Variants in GRIA2 observed in about 807,000 individuals in gnomAD.
GRIA2 encodes the protein glutamate ionotropic receptor AMPA type subunit 2.
Under a neutral mutation model 97.3 loss-of-function variants are expected in GRIA2, and 14 were observed. The observed-to-expected ratio is 0.14, with a 90% CI of 0.10 to 0.23. The LOEUF (loss-of-function observed/expected upper bound fraction) is 0.23, where lower values mean the gene tolerates loss of function less well. Among genes scored for constraint, GRIA2 ranks in the 10% least tolerant of loss-of-function variants. The pLI is 1.00. For missense variants in GRIA2, 558 were observed against 1,069.8 expected, an observed-to-expected ratio of 0.52 and a Z score of 6.67; for synonymous variants, 412 against 387.8, an observed-to-expected ratio of 1.06 and a Z score of -0.73.
intron 2 of GRIA2, among the ~76,000 whole-genome samples, chr4:157,259,279 C>T (rs925674236): frequency 2.0e-5 from 3 of 151,974 alleles, no homozygotes; most frequent in Non-Finnish European, 4.4e-5. Context: ...TTTGGCCTAC[C>T]TTCACTAGAA....
chr4:157,241,705 G>T (rs913620270), intron 2 of GRIA2, among the ~76,000 whole-genome samples: 3 of 151,994 alleles, frequency 2.0e-5, no homozygotes, highest in Non-Finnish European at 2.9e-5. Context: ...GCCTTGAGTG[G>T]TTCTATCTAA....
chr4:157,226,997 A>C (rs541060500), intron 2 of GRIA2, among the ~76,000 whole-genome samples: 8 of 152,302 alleles, frequency 5.3e-5, no homozygotes, highest in Admixed American at 5.2e-4. Flanking sequence ...TTCACTTATC[A>C]CTGAAGAATT....
chr4:157,274,782 G>C (rs1482308632), intron 2 of GRIA2, among the ~76,000 whole-genome samples: 3 of 151,702 alleles, frequency 2.0e-5, no homozygotes, highest in African/African-American at 4.9e-5. Context: ...GGACATTTGG[G>C]TTGGTTCCAA....
intron 2 of GRIA2, among the ~76,000 whole-genome samples, chr4:157,266,733 T>A (rs1189692157): frequency 6.6e-6 from 1 of 152,024 alleles, no homozygotes; most frequent in African/African-American, 2.4e-5. Flanking sequence ...GGTTGTTCTA[T>A]CTTTTGAGAG....
chr4:157,363,077 T>C (rs1736707729), intron 15 of GRIA2, 30 bp downstream of exon 15: 1 of 1,576,910 alleles, frequency 6.3e-7, no homozygotes, highest in African/African-American at 1.4e-5. Flanking sequence ...ACAAACTTTT[T>C]AGTGCACGTT....
chr4:157,289,037 C>A (rs1418383529), intron 2 of GRIA2, among the ~76,000 whole-genome samples: 1 of 151,712 alleles, frequency 6.6e-6, no homozygotes, highest in Non-Finnish European at 1.5e-5. Context: ...AGCTTCATTG[C>A]TGACCTGGGT....
Position 157,361,155 on chromosome 4 carries a change from C to A in GRIA2, c.2406+31C>A. On this transcript the variant is annotated intron_variant, in intron 14 of 15. Coordinates refer to ENST00000264426, the MANE Select transcript of GRIA2 (RefSeq NM_001083619.3). This position sits in a 1 kb window ranked among gnomAD's most constrained non-coding sequence, Gnocchi z 5.2. ...CCCCAGTGAGAAAAGTAATGGGTAA[C>A]TCAATGCAAAACAAAGTAAGCAGCA... 1 of 1,499,394 alleles carries A rather than the reference C, an allele frequency of 6.7e-7. No individual in the cohort carries two copies. Among genetic ancestry groups the A allele is most frequent in the Non-Finnish European group, 9.3e-7 (1 of 1,076,442 alleles). 92.9% of individuals were successfully genotyped at this position (1,499,394 alleles called of 1,614,324 possible). A position where few individuals can be genotyped will look rare whatever the true frequency, so the allele number is the denominator to read the frequency against.
chr4:157,355,634 A>ATATATATTTATTTATATATATTTATT (rs1736229738), intron 12 of GRIA2, among the ~76,000 whole-genome samples: 1 of 135,186 alleles, frequency 7.4e-6, no homozygotes, highest in South Asian at 2.2e-4. Context: ...ATATTTATTT[A>ATATATATTTATTTATATATATTTATT]TATATATTTA....
intron 11 of GRIA2, 39 bp from the exon 12 acceptor site, chr4:157,341,225 T>G: frequency 7.4e-7 from 1 of 1,349,098 alleles, no homozygotes; most frequent in Non-Finnish European, 1.1e-6. Context: ...ATTAGGTCAT[T>G]CATTTCACTT....
At chr4:157,248,827 CTT>C (rs1330551938) in intron 2 of GRIA2, among the ~76,000 whole-genome samples, 7 of 134,126 alleles carry the variant, frequency 5.2e-5, no homozygotes, top group Non-Finnish European at 1.1e-4. Context: ...TAAAATAATT[CTT>C]TTTTTATTTA....
chr4:157,290,846 C>A (rs1411540391), intron 2 of GRIA2, among the ~76,000 whole-genome samples: 1 of 151,664 alleles, frequency 6.6e-6, no homozygotes, highest in Non-Finnish European at 1.5e-5. Context: ...GACAACCAAC[C>A]TGGGTAGTTC....
intron 12 of GRIA2, among the ~76,000 whole-genome samples, chr4:157,359,378 T>C (rs1426434302): frequency 2.0e-5 from 3 of 152,198 alleles, no homozygotes; most frequent in Non-Finnish European, 4.4e-5. Context: ...AGTGTTATTC[T>C]AGAAATGTTT....
At position 157,269,144 on chromosome 4, in the gene GRIA2, T is replaced by G. The variant is rs117466190; in HGVS notation, c.230-34408T>G. On this transcript the variant is annotated intron_variant, in intron 2 of 15. Coordinates refer to ENST00000264426, the MANE Select transcript of GRIA2 (RefSeq NM_001083619.3). ...TTTTTATACTCTCCTCACCCCTCCT[T>G]TAATTAATAACTCTCATGCTATTTG... Among the ~76,000 whole-genome samples, 146 of 152,144 alleles carry G rather than the reference T, an allele frequency of 9.6e-4. 1 individual carries two copies. The East Asian group carries it at 0.023, about 24-fold the overall frequency.
chr4:157,246,528 G>A (rs562911131), intron 2 of GRIA2, among the ~76,000 whole-genome samples: 7 of 151,848 alleles, frequency 4.6e-5, no homozygotes, highest in South Asian at 2.1e-4. Context: ...TTATACTTTC[G>A]TAGTAATAAC....
intron 3 of GRIA2, 136 bp from the exon 4 acceptor site, chr4:157,312,542 CT>C: frequency 9.8e-6 from 5 of 510,988 alleles, no homozygotes; most frequent in South Asian, 7.3e-5. Flanking sequence ...ATAGCTATAG[CT>C]TTTTTTGAAG....
chr4:157,297,069 T>C (rs1733379251), intron 2 of GRIA2, among the ~76,000 whole-genome samples: 1 of 152,092 alleles, frequency 6.6e-6, no homozygotes, highest in African/African-American at 2.4e-5. Context: ...AGCAGGAGGG[T>C]TATATCTGCC....
chr4:157,272,431 A>C (rs957921022), intron 2 of GRIA2, among the ~76,000 whole-genome samples: 2 of 152,096 alleles, frequency 1.3e-5, no homozygotes, highest in Non-Finnish European at 2.9e-5. Flanking sequence ...AGAAACTCCT[A>C]AGGAGAAACC....
chr4:157,292,662 T>C (rs1020664581), intron 2 of GRIA2, among the ~76,000 whole-genome samples: 73 of 152,140 alleles, frequency 4.8e-4, no homozygotes, highest in African/African-American at 1.8e-3. Context: ...AAAAGAAGTG[T>C]ACAAAATCTA....
At chr4:157,326,354 T>C (rs1734802249) in intron 6 of GRIA2, among the ~76,000 whole-genome samples, 1 of 152,168 alleles carries the variant, frequency 6.6e-6, no homozygotes, top group South Asian at 2.1e-4. Flanking sequence ...TTTACTGTTC[T>C]TATCATTTAT....
Sources: gnomAD v4.1 joint callset for allele counts (sites outside exome capture counted in the v4.1 genomes callset) on GRCh38, gnomAD v4.1.1 for gene constraint, Gnocchi (gnomAD v3.1) non-coding constraint, MANE v1.5 for transcripts, NCBI Gene and HGNC (gene_info 2026-07-23, HGNC 2026-07-21) for gene names.